NTM: variants seen among roughly 807,000 people sequenced by gnomAD.
NTM encodes IgLON family member 2.
Under a neutral mutation model 42.1 loss-of-function variants are expected in NTM, and 13 were observed. The observed-to-expected ratio is 0.31, with a 90% CI of 0.20 to 0.49. The LOEUF (loss-of-function observed/expected upper bound fraction) is 0.49. NTM is among the 20% of genes least tolerant of loss of function. The pLI is 0.99. For synonymous variants in NTM, 187 were observed against 179.2 expected (o/e 1.04, Z -0.35); for missense variants, 373 against 452.8 (o/e 0.82, Z 1.60).
chr11:131,641,729 ATTTT>A (rs139661617), intron 1 of NTM, among the ~76,000 whole-genome samples: 42 of 140,528 alleles, frequency 3.0e-4, no homozygotes, highest in Non-Finnish European at 2.9e-4. Flanking sequence ...AATAGTCTAG[ATTTT>A]TTTTTTTTTT....
At chr11:131,890,777 C>G (rs541819949) in intron 1 of NTM, among the ~76,000 whole-genome samples, 11 of 152,262 alleles carry the variant, frequency 7.2e-5, no homozygotes, top group African/African-American at 2.6e-4. Context: ...CGGACGCATG[C>G]TAAGTGAGAT....
At position 131,934,818 on chromosome 11, in the gene NTM, A is replaced by C. The variant is rs963947487; in HGVS notation, c.167+23170A>C. Among the ~76,000 whole-genome samples, 4 of 152,216 alleles carry C rather than the reference A, an allele frequency of 2.6e-5. 1 individual carries two copies. Among genetic ancestry groups the C allele is most frequent in the Admixed American group, 2.6e-4 (4 of 15,286 alleles). On this transcript the variant is annotated intron_variant, in intron 2 of 8. Coordinates refer to ENST00000683400, the MANE Select transcript of NTM (RefSeq NM_001352005.2). ...GAGACCCCTGTGTGTGCAGCAGCAT[A>C]GACAATGGGGAGAGGTGGAGCAGAC... is the stretch of plus-strand genomic sequence containing the variant.
At chr11:131,526,975 C>G (rs2050575632) in intron 1 of NTM, among the ~76,000 whole-genome samples, 1 of 152,240 alleles carries the variant, frequency 6.6e-6, no homozygotes. Context: ...GCTCCTCATA[C>G]TGTCCCCCCA....
intron 2 of NTM, among the ~76,000 whole-genome samples, chr11:132,074,444 A>T (rs2058097913): frequency 6.6e-6 from 1 of 152,244 alleles, no homozygotes. Context: ...TTCATAAAAA[A>T]ATGGATTCTT....
chr11:131,686,254 TA>T (rs2073858538), intron 1 of NTM, among the ~76,000 whole-genome samples: 1 of 152,366 alleles, frequency 6.6e-6, no homozygotes, highest in Admixed American at 6.5e-5. Flanking sequence ...AATTCATGTA[TA>T]ACTTTTGACT....
intron 1 of NTM, among the ~76,000 whole-genome samples, chr11:131,736,285 C>T (rs1482059442): frequency 6.6e-6 from 1 of 152,230 alleles, no homozygotes; most frequent in East Asian, 1.9e-4. Flanking sequence ...TCCAAAATGT[C>T]ATGGAAGTAG....
At chr11:132,278,259 C>T (rs1318561522) in intron 4 of NTM, among the ~76,000 whole-genome samples, 1 of 152,194 alleles carries the variant, frequency 6.6e-6, no homozygotes. Flanking sequence ...GTATTATGCT[C>T]TCAGATACTT....
chr11:131,757,288 C>A (rs1203016885), intron 1 of NTM, among the ~76,000 whole-genome samples: 1 of 152,230 alleles, frequency 6.6e-6, no homozygotes, highest in Admixed American at 6.5e-5. Flanking sequence ...CATTGCTAAT[C>A]TCTGTGTAGT....
chr11:131,419,019 C>A (rs1196925844), intron 1 of NTM, among the ~76,000 whole-genome samples: 3 of 152,144 alleles, frequency 2.0e-5, no homozygotes, highest in African/African-American at 4.8e-5. Flanking sequence ...GTGAGTCGAG[C>A]AACTCACTTG....
At chr11:131,443,187 G>T (rs1949764559) in intron 1 of NTM, among the ~76,000 whole-genome samples, 1 of 152,142 alleles carries the variant, frequency 6.6e-6, no homozygotes. Context: ...TTTAAAGAGA[G>T]ATACAATGAG....
intron 1 of NTM, among the ~76,000 whole-genome samples, chr11:131,871,322 T>A (rs1208778943): frequency 6.6e-6 from 1 of 152,216 alleles, no homozygotes; most frequent in Non-Finnish European, 1.5e-5. Context: ...CTATTTTCAT[T>A]TGTAGCTATT....
intron 1 of NTM, among the ~76,000 whole-genome samples, chr11:131,658,384 T>C (rs1180694095): frequency 6.6e-6 from 1 of 152,204 alleles, no homozygotes; most frequent in Non-Finnish European, 1.5e-5. Context: ...TACAGAGCAT[T>C]CCCATAGACC....
At chr11:132,174,182 G>A (rs112414336) in intron 3 of NTM, among the ~76,000 whole-genome samples, 11 of 152,282 alleles carry the variant, frequency 7.2e-5, no homozygotes, top group African/African-American at 1.7e-4. Context: ...TTTAGTGATG[G>A]CATCCTACAT....
At chr11:131,411,772 A>C (rs1228579007) in intron 1 of NTM, among the ~76,000 whole-genome samples, 1 of 152,182 alleles carries the variant, frequency 6.6e-6, no homozygotes, top group Admixed American at 6.5e-5. Context: ...TGCAGAGCAC[A>C]AAGAGCATTC....
intron 1 of NTM, among the ~76,000 whole-genome samples, chr11:131,685,196 T>C (rs1014879564): frequency 6.6e-6 from 1 of 152,198 alleles, no homozygotes; most frequent in African/African-American, 2.4e-5. Context: ...GTTGGGCCCT[T>C]GACAAGAACA....
At chr11:132,194,368 A>G (rs995985065) in intron 3 of NTM, among the ~76,000 whole-genome samples, 1 of 152,198 alleles carries the variant, frequency 6.6e-6, no homozygotes, top group Non-Finnish European at 1.5e-5. Flanking sequence ...ACAAAATAAC[A>G]TGATCGTCTC....
At chr11:131,592,648 AC>A (rs2059472200) in intron 1 of NTM, among the ~76,000 whole-genome samples, 2 of 3,782 alleles carry the variant, frequency 5.3e-4, no homozygotes, top group Non-Finnish European at 9.5e-4. Context: ...CACACCCCAA[AC>A]ACACACACAC....
chr11:132,323,324 T>G (rs1284223995), intron 7 of NTM, among the ~76,000 whole-genome samples: 1 of 151,748 alleles, frequency 6.6e-6, no homozygotes, highest in East Asian at 1.9e-4. Flanking sequence ...ATAGACGCAA[T>G]AAAAAATGAT....
chr11:131,869,701 A>C (rs748251611), intron 1 of NTM, among the ~76,000 whole-genome samples: 5 of 152,152 alleles, frequency 3.3e-5, no homozygotes, highest in Non-Finnish European at 5.9e-5. Context: ...TTAATTGTAG[A>C]TCTCAGGCCC....
Sources: allele counts gnomAD v4.1 joint callset (sites outside exome capture counted in the v4.1 genomes callset), GRCh38; gene constraint gnomAD v4.1.1; transcripts MANE v1.5; gene names NCBI Gene and HGNC (gene_info 2026-07-23, HGNC 2026-07-21).